Variants in TASP1 observed in about 807,000 individuals in gnomAD.
The protein encoded by TASP1 is threonine aspartase 1.
TASP1 carries 16 observed loss-of-function variants against 56.6 expected under a neutral mutation model. That is an observed-to-expected ratio of 0.28 (90% CI 0.19 to 0.43). The LOEUF is 0.43. Ranked by LOEUF, TASP1 falls within the 20% of genes least tolerant of loss-of-function variation. TASP1 has a pLI of 1.00. For missense variants in TASP1, 393 were observed against 511.6 expected, an observed-to-expected ratio of 0.77 and a Z score of 2.24; for synonymous variants, 179 against 184.2, an observed-to-expected ratio of 0.97 and a Z score of 0.23.
At chr20:13,381,210 C>A in the TASP1 span, among the ~76,000 whole-genome samples, 2 of 152,316 alleles carry the variant, frequency 1.3e-5, no homozygotes, top group South Asian at 4.1e-4. Flanking sequence ...GTGGTATAGG[C>A]ACCCAAGGGA....
intron 2 of TASP1, among the ~76,000 whole-genome samples, chr20:13,628,208 C>G (rs6042263): frequency 0.34 from 52,231 of 152,026 alleles, 11,482 homozygotes; most frequent in African/African-American, 0.63. Flanking sequence ...GTGTCTAAGA[C>G]AGGAGGGACA....
chr20:13,590,865 C>CA (rs960941552), intron 4 of TASP1, among the ~76,000 whole-genome samples: 17 of 145,888 alleles, frequency 1.2e-4, no homozygotes, highest in Admixed American at 4.1e-4. Context: ...CACACTGTCT[C>CA]AAAAAAAAAT....
At chr20:13,586,848 A>G (rs2047321922) in intron 5 of TASP1, among the ~76,000 whole-genome samples, 1 of 152,178 alleles carries the variant, frequency 6.6e-6, no homozygotes, top group Admixed American at 6.5e-5. Context: ...TCTGTTACAT[A>G]AAAATATAGA....
At chr20:13,331,330 T>C in the TASP1 span, among the ~76,000 whole-genome samples, 1 of 152,230 alleles carries the variant, frequency 6.6e-6, no homozygotes, top group African/African-American at 2.4e-5. Context: ...CCCAACAAAC[T>C]ATAGACGGTG....
At chr20:13,118,211 C>T in the TASP1 span, among the ~76,000 whole-genome samples, 8 of 151,964 alleles carry the variant, frequency 5.3e-5, no homozygotes, top group African/African-American at 1.9e-4. Context: ...GAGGCTGACC[C>T]TATGCTACAA....
At chr20:13,383,762 G>C in the TASP1 span, among the ~76,000 whole-genome samples, 9 of 152,256 alleles carry the variant, frequency 5.9e-5, no homozygotes, top group Non-Finnish European at 1.0e-4. Flanking sequence ...CAGCACACTA[G>C]TGACTAGCAG....
chr20:13,445,258 A>T (rs1198511013), intron 11 of TASP1, among the ~76,000 whole-genome samples: 2 of 152,204 alleles, frequency 1.3e-5, no homozygotes, highest in Admixed American at 6.6e-5. Context: ...CAGCTTCTTG[A>T]TTTAATCAAT....
At chr20:13,559,742 A>C (rs1008600802) in intron 7 of TASP1, among the ~76,000 whole-genome samples, 16 of 152,192 alleles carry the variant, frequency 1.1e-4, no homozygotes, top group Non-Finnish European at 2.2e-4. Context: ...ACAGTGCTTC[A>C]AAGGGCCTCC....
chr20:13,446,090 C>G (rs758731810), intron 11 of TASP1, among the ~76,000 whole-genome samples: 2 of 151,998 alleles, frequency 1.3e-5, no homozygotes, highest in Non-Finnish European at 2.9e-5. Flanking sequence ...ATAAGAGAGA[C>G]ACAGTTGTAT....
the TASP1 span, among the ~76,000 whole-genome samples, chr20:13,311,254 TAGATA>T: frequency 7.4e-6 from 1 of 135,600 alleles, no homozygotes; most frequent in African/African-American, 2.8e-5. Flanking sequence ...GATAGATAGA[TAGATA>T]GATAGATAGA....
intron 10 of TASP1, among the ~76,000 whole-genome samples, chr20:13,528,090 G>A (rs1176050856): frequency 6.6e-6 from 1 of 151,658 alleles, no homozygotes; most frequent in East Asian, 1.9e-4. Flanking sequence ...GGGTGTGGTG[G>A]TGCACGCCTG....
intron 10 of TASP1, among the ~76,000 whole-genome samples, chr20:13,511,168 T>G (rs1398385042): frequency 6.6e-6 from 1 of 151,332 alleles, no homozygotes; most frequent in Non-Finnish European, 1.5e-5. Flanking sequence ...AAAGAGTTCC[T>G]CATTCCTAGG....
chr20:13,561,572 G>A (rs187805777), intron 7 of TASP1, among the ~76,000 whole-genome samples: 531 of 152,018 alleles, frequency 3.5e-3, no homozygotes, highest in Non-Finnish European at 5.3e-3. Context: ...TCACCATGTC[G>A]GCCAGACTCG....
chr20:13,457,201 C>T (rs2043875854), intron 11 of TASP1, among the ~76,000 whole-genome samples: 1 of 152,008 alleles, frequency 6.6e-6, no homozygotes, highest in African/African-American at 2.4e-5. Flanking sequence ...AGCAAACCAA[C>T]ATGGCACATG....
At chr20:13,106,396 A>G in the TASP1 span, among the ~76,000 whole-genome samples, 9 of 152,180 alleles carry the variant, frequency 5.9e-5, no homozygotes, top group Non-Finnish European at 8.8e-5. Context: ...TTAAAAAATA[A>G]TAGACAAGTC....
At chr20:13,353,596 T>C in the TASP1 span, among the ~76,000 whole-genome samples, 1 of 152,132 alleles carries the variant, frequency 6.6e-6, no homozygotes, top group South Asian at 2.1e-4. Context: ...ACTTCCATAG[T>C]TAGCTGGAGT....
At chr20:13,462,781 A>G (rs767240278) in intron 11 of TASP1, among the ~76,000 whole-genome samples, 2 of 152,194 alleles carry the variant, frequency 1.3e-5, no homozygotes, top group Non-Finnish European at 2.9e-5. Flanking sequence ...TTACAATAGC[A>G]TTAAAAAGAA....
chr20:13,588,085 CA>C (rs893176859), intron 4 of TASP1, among the ~76,000 whole-genome samples: 5 of 149,384 alleles, frequency 3.3e-5, no homozygotes, highest in African/African-American at 4.9e-5. Context: ...ATAATTACGC[CA>C]AAAAAAAAGT....
At chr20:13,576,252 GATAAGAGAAGAGAAAGGAAGGGAA>G in intron 6 of TASP1, among the ~76,000 whole-genome samples, 1 of 145,578 alleles carries the variant, frequency 6.9e-6, no homozygotes, top group Admixed American at 6.9e-5. Flanking sequence ...GGGAAGGGAA[GATAAGAGAAGAGAAAGGAAGGGAA>G]GAGAAGAGAA....
Sources: allele counts gnomAD v4.1 joint callset (sites outside exome capture counted in the v4.1 genomes callset), GRCh38; gene constraint gnomAD v4.1.1; transcripts MANE v1.5; gene names NCBI Gene and HGNC (gene_info 2026-07-23, HGNC 2026-07-21).